Variants in ZC3H15 observed in about 807,000 individuals in gnomAD.
The protein encoded by ZC3H15 is zinc finger CCCH-type containing 15.
A neutral mutation model predicts 51.2 loss-of-function variants in ZC3H15; 15 were observed. That is an observed-to-expected ratio of 0.29 (90% CI 0.20 to 0.45). The LOEUF is 0.45. Ranked by LOEUF, ZC3H15 falls within the 20% of genes least tolerant of loss-of-function variation. The pLI is 1.00. For synonymous variants in ZC3H15, 144 were observed against 162.8 expected, an observed-to-expected ratio of 0.88 and a Z score of 0.88; for missense variants, 381 against 494.7, an observed-to-expected ratio of 0.77 and a Z score of 2.18.
intron 2 of ZC3H15, among the ~76,000 whole-genome samples, chr2:186,497,874 C>G (rs1685307650): frequency 6.6e-6 from 1 of 151,988 alleles, no homozygotes; most frequent in South Asian, 2.1e-4. Flanking sequence ...GGGTACCTAC[C>G]CATCATATAT....
Position 186,499,542 on chromosome 2 carries a change from T to C in ZC3H15, c.178-640T>C, listed in dbSNP as rs1180207458. On this transcript the variant is annotated intron_variant, in intron 2 of 9. Transcript: ENST00000337859. ...ACTATGTTACAGTTGTTGACATGTCTGTCATCCTGCTAGATTCTGAGCTTC... is the reference window on the plus strand; with the variant it reads ...ACTATGTTACAGTTGTTGACATGTCCGTCATCCTGCTAGATTCTGAGCTTC... 8 of 455,158 alleles carry C rather than the reference T, an allele frequency of 1.8e-5. No homozygotes were observed. The Admixed American group carries it at 1.9e-4, about 11-fold the overall frequency. 28.2% of individuals were successfully genotyped at this position (455,158 alleles called of 1,614,324 possible). A position where few individuals can be genotyped will look rare whatever the true frequency, so the allele number is the denominator to read the frequency against.
At chr2:186,494,018 C>T (rs1685239774) in intron 1 of ZC3H15, among the ~76,000 whole-genome samples, 1 of 151,350 alleles carries the variant, frequency 6.6e-6, no homozygotes, top group African/African-American at 2.4e-5. Flanking sequence ...CACACACACG[C>T]TTGCTCATAC....
intron 2 of ZC3H15, among the ~76,000 whole-genome samples, chr2:186,495,870 C>T (rs1377582009): frequency 1.3e-5 from 2 of 152,146 alleles, no homozygotes; most frequent in Non-Finnish European, 2.9e-5. Context: ...AAAGTGATAT[C>T]TTATTGTTAC....
chr2:186,489,174 C>T (rs1332775182), intron 1 of ZC3H15: 1 of 152,094 alleles, frequency 6.6e-6, no homozygotes, highest in Non-Finnish European at 1.5e-5. Flanking sequence ...ACCTGATGAG[C>T]TTTTTCAAAA....
intron 9 of ZC3H15, among the ~76,000 whole-genome samples, chr2:186,507,173 A>T (rs1215598784): frequency 6.6e-6 from 1 of 152,204 alleles, no homozygotes; most frequent in Non-Finnish European, 1.5e-5. Flanking sequence ...ACAGAACATC[A>T]GTGTTATGGG....
chr2:186,486,916 C>T (rs912205771), intron 1 of ZC3H15: 5 of 159,070 alleles, frequency 3.1e-5, no homozygotes, highest in African/African-American at 1.2e-4. Flanking sequence ...TTCTTTTGAA[C>T]CAACAAATTA....
rs1275135403 is a variant in ZC3H15, at chr2:186,486,432, A to C, written c.50A>C (p.Gln17Pro). ...AQAGGSKKAE[Q>P]KKKEKIIEDK... is the part of the protein sequence containing the mutation. Reference sequence around the variant, plus strand: ...GCCGGGGGCAGCAAAAAGGCGGAGCAAAAAAAGAAGGAGAAGATTATCGAA... The same window carrying C: ...GCCGGGGGCAGCAAAAAGGCGGAGCCAAAAAAGAAGGAGAAGATTATCGAA... Residue 17 changes from glutamine (Q) to proline (P), a missense_variant, in exon 1 of 10, where the codon CAA becomes CCA. Gln to Pro is a moderately conservative substitution (Grantham distance 76). Transcript: ENST00000337859. 6.4e-7 allele frequency: 1 copy of C among 1,567,996 alleles called. No individual in the cohort carries two copies. Among genetic ancestry groups the C allele is most frequent in the Non-Finnish European group, 8.7e-7 (1 of 1,154,888 alleles).
At chr2:186,502,794 A>G (rs1349699157) in intron 5 of ZC3H15, among the ~76,000 whole-genome samples, 2 of 152,224 alleles carry the variant, frequency 1.3e-5, no homozygotes, top group African/African-American at 4.8e-5. Context: ...GAACAAGAAT[A>G]AAACTATGTT....
chr2:186,496,229 TTA>T (rs1297503728), intron 2 of ZC3H15, among the ~76,000 whole-genome samples: 1 of 152,328 alleles, frequency 6.6e-6, no homozygotes, highest in East Asian at 1.9e-4. Context: ...TGAATTTATT[TTA>T]TATATCTTAA....
Position 186,508,738 on chromosome 2 carries a change from A to G in ZC3H15, c.*5A>G. ...ACACTTGATTTAGAAGAATGACACC[A>G]AACACATCGCTGAAAAAATTAAGTC... On this transcript the variant is annotated 3_prime_UTR_variant, in exon 10 of 10. Transcript: ENST00000337859. The G allele has an allele frequency of 6.2e-7, 1 of 1,612,314 alleles. No homozygotes were observed. Among genetic ancestry groups the G allele is most frequent in the Middle Eastern group, 1.7e-4 (1 of 6,048 alleles).
At chr2:186,504,245 C>T (rs762233028) in intron 6 of ZC3H15, 31 bp downstream of exon 6, 98 of 1,507,834 alleles carry the variant, frequency 6.5e-5, no homozygotes, top group Non-Finnish European at 8.0e-5. Context: ...ACCATAAAAA[C>T]TGAAAGCAGT....
intron 2 of ZC3H15, chr2:186,499,723 T>A (rs1016571977): frequency 1.5e-5 from 6 of 390,420 alleles, no homozygotes; most frequent in African/African-American, 1.3e-4. Flanking sequence ...AATTGTTTTG[T>A]TTAATATCCT....
At chr2:186,488,040 G>T (rs1685133474) in intron 1 of ZC3H15, among the ~76,000 whole-genome samples, 1 of 152,106 alleles carries the variant, frequency 6.6e-6, no homozygotes. Flanking sequence ...TTTCAATAAT[G>T]AAGGTATCTC....
intron 2 of ZC3H15, among the ~76,000 whole-genome samples, chr2:186,498,413 A>G (rs763112041): frequency 3.3e-5 from 5 of 152,144 alleles, no homozygotes; most frequent in Admixed American, 6.5e-5. Flanking sequence ...CATGAACTTG[A>G]TTTCTAATTT....
chr2:186,491,567 A>G (rs904183228), intron 1 of ZC3H15, among the ~76,000 whole-genome samples: 3 of 152,140 alleles, frequency 2.0e-5, no homozygotes, highest in African/African-American at 7.2e-5. Context: ...AACAACCCTA[A>G]GTGAGACTCA....
intron 1 of ZC3H15, chr2:186,487,325 G>C (rs138344550): frequency 6.6e-6 from 1 of 152,100 alleles, no homozygotes; most frequent in Non-Finnish European, 1.5e-5. Context: ...AACCATATTT[G>C]ACATTACGTA....
chr2:186,497,062 C>CTT (rs113828257), intron 2 of ZC3H15: 7 of 357,174 alleles, frequency 2.0e-5, no homozygotes, highest in East Asian at 1.0e-4. Context: ...AATGTAGCCC[C>CTT]TTTTTTTTTC....
In ZC3H15 at chr2:186,508,972, T is replaced by C. The variant is rs1685511663; in HGVS notation, c.*239T>C. ...AAAATATAATGGTCATTGCAGAAAA[T>C]GATTGATGTTGTAACTGTCCACCCA... is the stretch of plus-strand genomic sequence containing the variant. On this transcript the variant is annotated 3_prime_UTR_variant, in exon 10 of 10. Transcript: ENST00000337859. 1.7e-6 allele frequency: 1 copy of C among 601,462 alleles called. No homozygotes were observed. The highest frequency in any genetic ancestry group is 3.1e-6 in the Non-Finnish European group (1 of 324,836). 37.3% of individuals were successfully genotyped at this position (601,462 alleles called of 1,614,324 possible). A position where few individuals can be genotyped will look rare whatever the true frequency, so the allele number is the denominator to read the frequency against.
chr2:186,505,859 G>A lies in ZC3H15; in HGVS notation c.966+18G>A. ...GTGATGAGGTAAGAGGAAGCTTTGTGCCTCATCTCCTTATGTTAATTGAAA... is the reference window on the plus strand; with the variant it reads ...GTGATGAGGTAAGAGGAAGCTTTGTACCTCATCTCCTTATGTTAATTGAAA... On this transcript the variant is annotated intron_variant, in intron 8 of 9. Coordinates refer to ENST00000337859, the MANE Select transcript of ZC3H15 (RefSeq NM_018471.3). 3 of 1,609,202 alleles carry A rather than the reference G, an allele frequency of 1.9e-6. No homozygotes were observed. Among genetic ancestry groups the A allele is most frequent in the South Asian group, 2.2e-5 (2 of 90,522 alleles).
Sources: gnomAD v4.1 joint callset for allele counts (sites outside exome capture counted in the v4.1 genomes callset) on GRCh38, gnomAD v4.1.1 for gene constraint, MANE v1.5 for transcripts, NCBI Gene and HGNC (gene_info 2026-07-23, HGNC 2026-07-21) for gene names.